The following PHACTR2 variants were observed in gnomAD, a reference collection of about 807,000 sequenced individuals.
PHACTR2 encodes phosphatase and actin regulator 2.
In PHACTR2, 30 loss-of-function variants were observed where a neutral mutation model predicts 76.0. The ratio of observed to expected loss-of-function variants is 0.39; its 90% CI spans 0.30 to 0.54. PHACTR2 has a LOEUF of 0.54. Among genes scored for constraint, PHACTR2 ranks in the 20% least tolerant of loss-of-function variants. The pLI, the probability that PHACTR2 is intolerant of heterozygous loss-of-function variation, is 0.61. For synonymous variants in PHACTR2, 292 were observed against 292.5 expected (o/e 1.00, Z 0.02); for missense variants, 696 against 781.1 (o/e 0.89, Z 1.30).
rs1000503211 is a variant in PHACTR2, at chr6:143,546,867, AAAAAAAT to A, written c.217+9675_217+9681del. Among the ~76,000 whole-genome samples the A allele has an allele frequency of 4.0e-5, 6 of 149,536 alleles. No individual in the cohort carries two copies. Among genetic ancestry groups the A allele is most frequent in the African/African-American group, 9.9e-5 (4 of 40,462 alleles). Reference sequence around the variant, plus strand: ...ATAGTGAGACCCCATCTCAAAAAAAAAAAAAATAAAAAATAAAAAATTAGCCAGGTGA... The same window carrying A: ...ATAGTGAGACCCCATCTCAAAAAAAAAAAAAATAAAAAATTAGCCAGGTGA... On this transcript the variant is annotated intron_variant, in intron 1 of 11. Coordinates refer to the PHACTR2 transcript ENST00000367584. This position sits in a 1 kb window ranked among gnomAD's most constrained non-coding sequence, Gnocchi z 4.9.
At chr6:143,758,817 G>A (rs1779365667) in intron 4 of PHACTR2, among the ~76,000 whole-genome samples, 1 of 152,208 alleles carries the variant, frequency 6.6e-6, no homozygotes, top group Admixed American at 6.5e-5. Context: ...ATTACCTATT[G>A]TAACTGAAGT....
intron 1 of PHACTR2, among the ~76,000 whole-genome samples, chr6:143,564,645 C>T (rs191386586): frequency 6.2e-4 from 94 of 152,198 alleles, no homozygotes; most frequent in African/African-American, 2.1e-3. Flanking sequence ...GACGAGGCCT[C>T]GGCTGTGCTT....
At chr6:143,669,521 G>A (rs964744216) in intron 1 of PHACTR2, among the ~76,000 whole-genome samples, 1 of 152,078 alleles carries the variant, frequency 6.6e-6, no homozygotes, top group African/African-American at 2.4e-5. Flanking sequence ...CTCTTTGTAG[G>A]TCTCTAAGAA....
In PHACTR2 at chr6:143,731,950, C is replaced by T. The variant is rs1475397040; in HGVS notation, c.215-17035C>T. 1.3e-5 allele frequency among the ~76,000 whole-genome samples: 2 copies of T among 152,082 alleles called. No individual in the cohort carries two copies. The highest frequency in any genetic ancestry group is 2.9e-5 in the Non-Finnish European group (2 of 68,028). On this transcript the variant is annotated intron_variant, in intron 2 of 12. Coordinates refer to ENST00000440869, the MANE Select transcript of PHACTR2 (RefSeq NM_001100164.2). The surrounding 1 kb of genome is among the most constrained non-coding windows in gnomAD (Gnocchi z 4.9). ...TTAACTTGGGTAAGTTTAAGCAGGCCCTCTGGTGCTTTGAAATGGAAAAGA... is the reference window on the plus strand; with the variant it reads ...TTAACTTGGGTAAGTTTAAGCAGGCTCTCTGGTGCTTTGAAATGGAAAAGA...
chr6:143,811,705 G>A lies in PHACTR2; in HGVS notation c.1922+4572G>A, dbSNP rs1441746441. Among the ~76,000 whole-genome samples the A allele has an allele frequency of 2.6e-5, 4 of 151,784 alleles. No individual in the cohort carries two copies. The highest frequency in any genetic ancestry group is 2.1e-4 in the South Asian group (1 of 4,816). ...TTTCCATTAACTTATGACATCATTC[G>A]AGATATATTCCAGTAGGGATATAGT... is the stretch of plus-strand genomic sequence containing the variant. On this transcript the variant is annotated intron_variant, in intron 12 of 12. Coordinates refer to ENST00000440869, the MANE Select transcript of PHACTR2 (RefSeq NM_001100164.2). The surrounding 1 kb of genome is among the most constrained non-coding windows in gnomAD (Gnocchi z 4.1).
chr6:143,661,367 A>G (rs1451433335), intron 1 of PHACTR2, among the ~76,000 whole-genome samples: 1 of 152,206 alleles, frequency 6.6e-6, no homozygotes, highest in African/African-American at 2.4e-5. Context: ...TCAATAATCT[A>G]AAATGCAGTG....
rs62427428 is a variant in PHACTR2, at chr6:143,783,037, A to G, written c.1646-182A>G. 7.3e-3 allele frequency among the ~76,000 whole-genome samples: 362 copies of G among 49,894 alleles called. 3 individuals carry two copies. Among genetic ancestry groups the G allele is most frequent in the East Asian group, 0.036 (63 of 1,732 alleles). The allele number at this position is 49,894 out of a possible 152,430, so 32.7% of individuals were successfully genotyped here. ...TGTGTGTGTGTGTGTGTGTGTGTGT[A>G]TGTGTGTGTGTGTGTAAGATGATCA... On this transcript the variant is annotated intron_variant, in intron 9 of 12. Transcript: ENST00000440869. This position sits in a 1 kb window ranked among gnomAD's most constrained non-coding sequence, Gnocchi z 5.2.
In PHACTR2 at chr6:143,728,169, G is replaced by A. The variant is rs55919920; in HGVS notation, c.214+15986G>A. 3.4e-4 allele frequency among the ~76,000 whole-genome samples: 46 copies of A among 134,164 alleles called. 2 individuals carry two copies. The East Asian group carries it at 4.2e-3, about 12-fold the overall frequency. 88.0% of individuals were successfully genotyped at this position (134,164 alleles called of 152,430 possible). A position where few individuals can be genotyped will look rare whatever the true frequency, so the allele number is the denominator to read the frequency against. ...TTTTCTTTCTTTCATTCTTTCTTTC[G>A]TTCATTCGTTCTTTTGTTCTTCTTT... On this transcript the variant is annotated intron_variant, in intron 2 of 12. Transcript: ENST00000440869.
intron 2 of PHACTR2, among the ~76,000 whole-genome samples, chr6:143,715,799 C>A (rs962136423): frequency 6.6e-6 from 1 of 152,200 alleles, no homozygotes; most frequent in Non-Finnish European, 1.5e-5. Flanking sequence ...CTTTGAACCA[C>A]GGAGTTCTTT....
rs983610122 is a variant in PHACTR2, at chr6:143,678,025, G to T, written c.-139G>T. The T allele has an allele frequency of 4.0e-6, 6 of 1,511,562 alleles. No homozygotes were observed. Among genetic ancestry groups the T allele is most frequent in the Non-Finnish European group, 5.3e-6 (6 of 1,126,932 alleles). 93.6% of individuals were successfully genotyped at this position (1,511,562 alleles called of 1,614,324 possible). A position where few individuals can be genotyped will look rare whatever the true frequency, so the allele number is the denominator to read the frequency against. On this transcript the variant is annotated 5_prime_UTR_variant, in exon 1 of 13. Transcript: ENST00000440869. This position sits in a 1 kb window ranked among gnomAD's most constrained non-coding sequence, Gnocchi z 6.2. ...CGGCCGGGCTGGGAGACCCGCGCGGGGTAGAAGGTGAGGGGACCCGGCGGG... is the reference window on the plus strand; with the variant it reads ...CGGCCGGGCTGGGAGACCCGCGCGGTGTAGAAGGTGAGGGGACCCGGCGGG...
Position 143,642,248 on chromosome 6 carries a change from G to A in PHACTR2, c.13+33926G>A, listed in dbSNP as rs139785184. Among the ~76,000 whole-genome samples the A allele has an allele frequency of 6.8e-3, 1,037 of 152,302 alleles. 15 individuals carry two copies. The highest frequency in any genetic ancestry group is 0.024 in the African/African-American group (983 of 41,554). On this transcript the variant is annotated intron_variant, in intron 1 of 11. Coordinates refer to the PHACTR2 transcript ENST00000305766. ...ATGTCCTACAGTTTTTGAAGATCCA[G>A]CTTCTGTACCACATTGTTATTAGGG...
chr6:143,680,136 C>T lies in PHACTR2; in HGVS notation c.46+1927C>T, dbSNP rs1429003221. Among the ~76,000 whole-genome samples the T allele has an allele frequency of 6.7e-6, 1 of 148,784 alleles. No individual in the cohort carries two copies. Among genetic ancestry groups the T allele is most frequent in the South Asian group, 2.1e-4 (1 of 4,736 alleles). On this transcript the variant is annotated intron_variant, in intron 1 of 12. Coordinates refer to ENST00000440869, the MANE Select transcript of PHACTR2 (RefSeq NM_001100164.2). This position sits in a 1 kb window ranked among gnomAD's most constrained non-coding sequence, Gnocchi z 4.5. Reference sequence around the variant, plus strand: ...TCCCTGAAGGTTTGCCATCAGATTCCAAATGAAAACCAAAAAAAAAAAAAT... The same window carrying T: ...TCCCTGAAGGTTTGCCATCAGATTCTAAATGAAAACCAAAAAAAAAAAAAT...
rs947404468 is a variant in PHACTR2 at position 143,743,002 on chromosome 6, G to C, written c.215-5983G>C. On this transcript the variant is annotated intron_variant, in intron 2 of 12. Transcript: ENST00000440869. The surrounding 1 kb of genome is among the most constrained non-coding windows in gnomAD (Gnocchi z 5.0). Reference sequence around the variant, plus strand: ...GGTTTAACCTATTTAGTCTCCAAAAGAACCAGGAAAGTAGTTGCTATCTCT... The same window carrying C: ...GGTTTAACCTATTTAGTCTCCAAAACAACCAGGAAAGTAGTTGCTATCTCT... Among the ~76,000 whole-genome samples, 1 of 152,198 alleles carries C rather than the reference G, an allele frequency of 6.6e-6. No individual in the cohort carries two copies. The highest frequency in any genetic ancestry group is 1.5e-5 in the Non-Finnish European group (1 of 68,046).
Position 143,788,957 on chromosome 6 carries a change from A to C in PHACTR2, c.1845+47A>C, listed in dbSNP as rs182585557. Reference sequence around the variant, plus strand: ...GTGTTGATTGTATTGCTTTTCTGGAAGCTCCAATATCCACATCCCCCCTAC... The same window carrying C: ...GTGTTGATTGTATTGCTTTTCTGGACGCTCCAATATCCACATCCCCCCTAC... On this transcript the variant is annotated intron_variant, in intron 11 of 12. Transcript: ENST00000440869. The C allele has an allele frequency of 9.2e-5, 143 of 1,562,146 alleles. No individual in the cohort carries two copies. The East Asian group carries it at 3.0e-3, about 33-fold the overall frequency.
chr6:143,812,159 A>C (rs972296195), intron 12 of PHACTR2, among the ~76,000 whole-genome samples: 3 of 152,148 alleles, frequency 2.0e-5, no homozygotes, highest in Non-Finnish European at 4.4e-5. Flanking sequence ...ACTGGTGTAC[A>C]ATGGAAGGAC....
At position 143,816,186 on chromosome 6, in the gene PHACTR2, C is replaced by T. The variant is rs1159509569; in HGVS notation, c.1923-7488C>T. On this transcript the variant is annotated intron_variant, in intron 12 of 12. Transcript: ENST00000440869. This position sits in a 1 kb window ranked among gnomAD's most constrained non-coding sequence, Gnocchi z 4.5. Reference sequence around the variant, plus strand: ...GGCACAGTAAATCTATTTATTCCTCCACCAACTTGAAGCCTAAAGCCAAAA... The same window carrying T: ...GGCACAGTAAATCTATTTATTCCTCTACCAACTTGAAGCCTAAAGCCAAAA... Among the ~76,000 whole-genome samples the T allele has an allele frequency of 6.6e-6, 1 of 152,000 alleles. No individual in the cohort carries two copies. Among genetic ancestry groups the T allele is most frequent in the Admixed American group, 6.6e-5 (1 of 15,252 alleles).
At position 143,662,166 on chromosome 6, in the gene PHACTR2, G is replaced by A. The variant is rs1387920843; in HGVS notation, c.14-49850G>A. 2.0e-5 allele frequency among the ~76,000 whole-genome samples: 3 copies of A among 152,112 alleles called. No individual in the cohort carries two copies. Among genetic ancestry groups the A allele is most frequent in the Admixed American group, 6.6e-5 (1 of 15,264 alleles). ...TGTGTCAACATTCCCTAATTGAGAA[G>A]TAATTTGCAGTTACTGAAATCCATT... On this transcript the variant is annotated intron_variant, in intron 1 of 11. Transcript: ENST00000305766. This position sits in a 1 kb window ranked among gnomAD's most constrained non-coding sequence, Gnocchi z 4.7.
At chr6:143,588,897 A>G (rs1775658299) in intron 1 of PHACTR2, among the ~76,000 whole-genome samples, 1 of 152,226 alleles carries the variant, frequency 6.6e-6, no homozygotes, top group Non-Finnish European at 1.5e-5. Context: ...CTTATGACAA[A>G]ATAAAAAATT....
rs1163108084 is a variant in PHACTR2 at position 143,610,810 on chromosome 6, A to C, written c.13+2488A>C. On this transcript the variant is annotated intron_variant, in intron 1 of 11. Transcript: ENST00000305766. This position sits in a 1 kb window ranked among gnomAD's most constrained non-coding sequence, Gnocchi z 4.9. ...TAATTGCTGGCTTCTGTATTCCTTT[A>C]AAAGCTTTTCCTGGAATAACAATAA... 6.6e-6 allele frequency among the ~76,000 whole-genome samples: 1 copy of C among 152,128 alleles called. No individual in the cohort carries two copies. Among genetic ancestry groups the C allele is most frequent in the African/African-American group, 2.4e-5 (1 of 41,420 alleles).
Sources: gnomAD v4.1 joint callset for allele counts (sites outside exome capture counted in the v4.1 genomes callset) on GRCh38, gnomAD v4.1.1 for gene constraint, Gnocchi (gnomAD v3.1) non-coding constraint, MANE v1.5 for transcripts, NCBI Gene and HGNC (gene_info 2026-07-23, HGNC 2026-07-21) for gene names.